The following CAST variants were observed in gnomAD, a reference collection of about 807,000 sequenced individuals.
CAST encodes the protein calpastatin.
CAST carries 76 observed loss-of-function variants against 119.6 expected under a neutral mutation model. That is an observed-to-expected ratio of 0.64 (90% CI 0.53 to 0.77). CAST has a LOEUF of 0.77. Ranked by LOEUF, CAST falls within the 30% of genes least tolerant of loss-of-function variation. The pLI, the probability that CAST is intolerant of heterozygous loss-of-function variation, is 0.00. For synonymous variants in CAST, 319 were observed against 331.6 expected, an observed-to-expected ratio of 0.96 and a Z score of 0.41; for missense variants, 953 against 946.5, an observed-to-expected ratio of 1.01 and a Z score of -0.09.
At chr5:96,405,772 TAC>T in the CAST span, among the ~76,000 whole-genome samples, 2 of 152,356 alleles carry the variant, frequency 1.3e-5, no homozygotes, top group African/African-American at 4.8e-5. Flanking sequence ...ATTGCACTTT[TAC>T]AATTTCAGCT....
In CAST at chr5:96,547,332, T is replaced by C. The variant is rs73150282; in HGVS notation, c.60+17452T>C. ...AAGTGTAACATGGTATAACTCCCAG[T>C]TCCAGGCTGAAGGCATAAGAACCAG... is the stretch of plus-strand genomic sequence containing the variant. On this transcript the variant is annotated intron_variant, in intron 1 of 11. Transcript: ENST00000505143. Among the ~76,000 whole-genome samples the C allele has an allele frequency of 7.4e-3, 1,124 of 152,218 alleles. 15 individuals carry two copies. The highest frequency in any genetic ancestry group is 0.025 in the African/African-American group (1,044 of 41,524).
chr5:96,767,770 A>G (rs1348890431), intron 28 of CAST, 137 bp from the exon 29 acceptor site: 2 of 637,812 alleles, frequency 3.1e-6, no homozygotes, highest in Non-Finnish European at 5.6e-6. Context: ...TTTACAATAC[A>G]TTATTATTAA....
At chr5:96,060,538 G>A in the CAST span, among the ~76,000 whole-genome samples, 12 of 152,070 alleles carry the variant, frequency 7.9e-5, no homozygotes, top group East Asian at 1.9e-3. Context: ...ACATCCACTC[G>A]GCCTCTTCGA....
At chr5:96,258,722 A>G in the CAST span, among the ~76,000 whole-genome samples, 1 of 152,190 alleles carries the variant, frequency 6.6e-6, no homozygotes, top group Non-Finnish European at 1.5e-5. Flanking sequence ...TCCTCTCCTA[A>G]TAGCATAGAT....
At chr5:96,240,878 A>G in the CAST span, among the ~76,000 whole-genome samples, 4 of 151,944 alleles carry the variant, frequency 2.6e-5, no homozygotes, top group Admixed American at 6.6e-5. Flanking sequence ...ATTGAAAACC[A>G]TATAAATGTT....
intron 1 of CAST, among the ~76,000 whole-genome samples, chr5:96,594,903 A>G (rs1747029104): frequency 6.6e-6 from 1 of 152,202 alleles, no homozygotes; most frequent in Non-Finnish European, 1.5e-5. Flanking sequence ...AATTGCAGTT[A>G]AGTTTAATGT....
At chr5:96,562,186 T>TGC (rs1190288166) in intron 1 of CAST, among the ~76,000 whole-genome samples, 33 of 130,306 alleles carry the variant, frequency 2.5e-4, no homozygotes, top group African/African-American at 7.9e-4. Context: ...AAACTTTTCA[T>TGC]GCACACACAC....
At chr5:96,083,296 G>A in the CAST span, among the ~76,000 whole-genome samples, 2 of 152,168 alleles carry the variant, frequency 1.3e-5, no homozygotes, top group South Asian at 2.1e-4. Flanking sequence ...TCTGAAGCAC[G>A]GTTTATGATG....
chr5:96,078,851 T>C, the CAST span, among the ~76,000 whole-genome samples: 97,111 of 151,906 alleles, frequency 0.64, 31,509 homozygotes, highest in African/African-American at 0.72. Context: ...AACCAAGTAT[T>C]GCATGTTCTC....
the CAST span, among the ~76,000 whole-genome samples, chr5:96,052,945 T>G: frequency 1.3e-5 from 2 of 152,320 alleles, no homozygotes; most frequent in South Asian, 2.1e-4. Flanking sequence ...TCATTGAGTT[T>G]ATTCTTTAGA....
chr5:96,395,103 A>G, the CAST span: 3 of 1,121,458 alleles, frequency 2.7e-6, no homozygotes, highest in Non-Finnish European at 4.1e-6. Flanking sequence ...GCTAAAAAGG[A>G]TTTCATTGTT....
chr5:96,739,353 A>G (rs1762245602), intron 11 of CAST, among the ~76,000 whole-genome samples: 1 of 152,252 alleles, frequency 6.6e-6, no homozygotes, highest in African/African-American at 2.4e-5. Flanking sequence ...AATAGAGGAC[A>G]GGATAATAAA....
At chr5:96,029,308 G>C in the CAST span, among the ~76,000 whole-genome samples, 1 of 152,072 alleles carries the variant, frequency 6.6e-6, no homozygotes, top group African/African-American at 2.4e-5. Context: ...ATATTTGCTT[G>C]CTGTTAATAA....
At chr5:96,712,692 A>G (rs1756415792) in intron 3 of CAST, among the ~76,000 whole-genome samples, 1 of 152,168 alleles carries the variant, frequency 6.6e-6, no homozygotes, top group Non-Finnish European at 1.5e-5. Flanking sequence ...GCAAAATTAA[A>G]CTTGCTGTCA....
At chr5:96,317,594 G>A in the CAST span, among the ~76,000 whole-genome samples, 1 of 150,376 alleles carries the variant, frequency 6.6e-6, no homozygotes, top group East Asian at 2.0e-4. Context: ...TGATGAATAT[G>A]TATGATGATC....
chr5:96,537,693 A>C (rs1433473865), intron 1 of CAST, among the ~76,000 whole-genome samples: 2 of 152,182 alleles, frequency 1.3e-5, no homozygotes, highest in African/African-American at 4.8e-5. Context: ...CAGAAAAACA[A>C]AGGGTGGATA....
intron 1 of CAST, among the ~76,000 whole-genome samples, chr5:96,532,400 A>G (rs1170384067): frequency 6.6e-6 from 1 of 152,128 alleles, no homozygotes; most frequent in Non-Finnish European, 1.5e-5. Flanking sequence ...GTGTAAAGGA[A>G]ACAACTTACA....
the CAST span, among the ~76,000 whole-genome samples, chr5:96,368,989 G>A: frequency 2.6e-5 from 4 of 151,928 alleles, 1 homozygote; most frequent in South Asian, 8.4e-4. Flanking sequence ...TCTTTTCTTT[G>A]TGGTTAGAAT....
the CAST span, among the ~76,000 whole-genome samples, chr5:96,364,564 G>A: frequency 3.3e-5 from 5 of 152,190 alleles, no homozygotes; most frequent in African/African-American, 4.8e-5. Context: ...GGATGTATGC[G>A]TTCAGGAATT....
Sources: allele counts gnomAD v4.1 joint callset (sites outside exome capture counted in the v4.1 genomes callset), GRCh38; gene constraint gnomAD v4.1.1; transcripts MANE v1.5; gene names NCBI Gene and HGNC (gene_info 2026-07-23, HGNC 2026-07-21).